Variants in ELMO2 observed in about 807,000 individuals in gnomAD.
ELMO2 encodes engulfment and cell motility protein 2.
Under a neutral mutation model 96.2 loss-of-function variants are expected in ELMO2, and 37 were observed. The observed-to-expected ratio is 0.38, with a 90% confidence interval of 0.30 to 0.51. ELMO2 has a LOEUF of 0.51. ELMO2 is among the 20% of genes least tolerant of loss of function. The pLI is 0.88. For missense variants in ELMO2, 561 were observed against 912.6 expected (o/e 0.61, Z 4.96); for synonymous variants, 315 against 329.4 (o/e 0.96, Z 0.47).
At chr20:46,403,682 T>C (rs544810703) in intron 1 of ELMO2, among the ~76,000 whole-genome samples, 9 of 152,342 alleles carry the variant, frequency 5.9e-5, no homozygotes, top group Admixed American at 4.6e-4. Context: ...TTTCCAAGTA[T>C]ACCTGAAGCA....
Position 46,371,555 on chromosome 20 carries a change from A to T in ELMO2, c.1693+24T>A. On this transcript the variant is annotated intron_variant, in intron 18 of 21. Transcript: ENST00000290246. This position sits in a 1 kb window ranked among gnomAD's most constrained non-coding sequence, Gnocchi z 5.9. ...ATCCAGGCAGGCTCTTCCCGGCACCAAGGATTGCCCCGTCTCCTCTCACCT... is the reference window on the plus strand; with the variant it reads ...ATCCAGGCAGGCTCTTCCCGGCACCTAGGATTGCCCCGTCTCCTCTCACCT... 6.2e-7 allele frequency: 1 copy of T among 1,604,030 alleles called. No homozygotes were observed. Among genetic ancestry groups the T allele is most frequent in the African/African-American group, 1.3e-5 (1 of 74,586 alleles).
At chr20:46,406,366 G>A (rs1460682623) in intron 1 of ELMO2, among the ~76,000 whole-genome samples, 182 bp downstream of exon 1, 1 of 152,068 alleles carries the variant, frequency 6.6e-6, no homozygotes, top group Non-Finnish European at 1.5e-5. Flanking sequence ...CGGCAGGGCC[G>A]CCACCCCTCG....
chr20:46,406,032 C>A (rs1329452698), intron 1 of ELMO2, among the ~76,000 whole-genome samples: 1 of 152,198 alleles, frequency 6.6e-6, no homozygotes, highest in Non-Finnish European at 1.5e-5. Flanking sequence ...CAAGGGTGAG[C>A]GCAGGAGGTG....
chr20:46,388,561 G>A (rs6094297), intron 7 of ELMO2, among the ~76,000 whole-genome samples: 1 of 151,956 alleles, frequency 6.6e-6, no homozygotes, highest in Non-Finnish European at 1.5e-5. Context: ...TGAATGGGTA[G>A]GTTGACACCT....
At chr20:46,406,057 C>T (rs2060434354) in intron 1 of ELMO2, among the ~76,000 whole-genome samples, 1 of 152,130 alleles carries the variant, frequency 6.6e-6, no homozygotes, top group African/African-American at 2.4e-5. Flanking sequence ...GTACATGCAC[C>T]GGGGTGCTAC....
chr20:46,381,460 T>C (rs139283366), intron 10 of ELMO2, among the ~76,000 whole-genome samples: 121 of 152,312 alleles, frequency 7.9e-4, no homozygotes, highest in Non-Finnish European at 1.4e-3. Context: ...CACTTCTGGA[T>C]TTCTAGCCAT....
intron 8 of ELMO2, among the ~76,000 whole-genome samples, chr20:46,386,564 A>C (rs988462280): frequency 6.6e-6 from 1 of 152,202 alleles, no homozygotes; most frequent in Non-Finnish European, 1.5e-5. Flanking sequence ...AGTGGGGTAT[A>C]AAAAAGCAGA....
chr20:46,372,966 G>T (rs145679861), intron 16 of ELMO2: 286 of 159,444 alleles, frequency 1.8e-3, no homozygotes, highest in African/African-American at 6.5e-3. Context: ...TCTGCATAGA[G>T]TGAGGACTGA....
chr20:46,370,109 C>G, intron 20 of ELMO2: 1 of 418,266 alleles, frequency 2.4e-6, no homozygotes. Context: ...TAACTACTTT[C>G]ATTTCCTGTT....
intron 1 of ELMO2, among the ~76,000 whole-genome samples, chr20:46,406,099 G>A (rs2060435783): frequency 6.6e-6 from 1 of 152,160 alleles, no homozygotes; most frequent in African/African-American, 2.4e-5. Flanking sequence ...GCGGACTGGT[G>A]GACGCGGGCA....
intron 3 of ELMO2, 41 bp from the exon 4 acceptor site, chr20:46,394,130 C>G: frequency 6.4e-7 from 1 of 1,555,736 alleles, no homozygotes; most frequent in Non-Finnish European, 8.9e-7. Flanking sequence ...GCAGCAACAT[C>G]CTACTCATGC....
chr20:46,376,692 T>C (rs2059866099), intron 11 of ELMO2: 2 of 1,288,554 alleles, frequency 1.6e-6, no homozygotes, highest in South Asian at 1.2e-5. Context: ...TCACTCCCTC[T>C]GTCTCACCCA....
At chr20:46,370,206 T>C (rs1476476595) in intron 20 of ELMO2, 1 of 651,594 alleles carries the variant, frequency 1.5e-6, no homozygotes, top group Admixed American at 2.2e-5. Context: ...TACTTGGGAC[T>C]TTCTTCAAAG....
intron 2 of ELMO2, among the ~76,000 whole-genome samples, chr20:46,396,286 A>G (rs1272583805): frequency 6.6e-6 from 1 of 152,232 alleles, no homozygotes; most frequent in Non-Finnish European, 1.5e-5. Context: ...TTAGAGATGC[A>G]TCCTTATCCT....
intron 11 of ELMO2, among the ~76,000 whole-genome samples, chr20:46,376,546 GTC>G (rs1665999601): frequency 1.3e-5 from 2 of 152,118 alleles, no homozygotes; most frequent in Non-Finnish European, 2.9e-5. Flanking sequence ...CTCATGTTCT[GTC>G]TCTGTCTTTC....
chr20:46,373,877 C>T (rs1487900997), intron 15 of ELMO2, among the ~76,000 whole-genome samples: 1 of 147,346 alleles, frequency 6.8e-6, no homozygotes, highest in African/African-American at 2.5e-5. Context: ...TGATTTAAAA[C>T]AAAAAACAAA....
At chr20:46,382,949 G>C (rs2260851) in intron 10 of ELMO2, among the ~76,000 whole-genome samples, 151,448 of 152,354 alleles carry the variant, frequency 0.99, 75,277 homozygotes, top group Middle Eastern at 1. Context: ...ACTCAGGGTA[G>C]CCACAGGGTC....
In ELMO2 at chr20:46,371,562, GC is replaced by G. The variant is rs775154225; in HGVS notation, c.1693+16del. On this transcript the variant is annotated intron_variant, in intron 18 of 21. Coordinates refer to ENST00000290246, the MANE Select transcript of ELMO2 (RefSeq NM_133171.5). This position sits in a 1 kb window ranked among gnomAD's most constrained non-coding sequence, Gnocchi z 5.9. Reference sequence around the variant, plus strand: ...CAGGCTCTTCCCGGCACCAAGGATTGCCCCGTCTCCTCTCACCTTGCCTTCG... The same window carrying G: ...CAGGCTCTTCCCGGCACCAAGGATTGCCCGTCTCCTCTCACCTTGCCTTCG... The G allele has an allele frequency of 6.2e-7, 1 of 1,603,888 alleles. No homozygotes were observed. Among genetic ancestry groups the G allele is most frequent in the East Asian group, 2.2e-5 (1 of 44,720 alleles).
Position 46,373,449 on chromosome 20 carries a change from A to G in ELMO2, c.1366T>C (p.Leu456=). 1.2e-6 allele frequency: 2 copies of G among 1,614,184 alleles called. No individual in the cohort carries two copies. Among genetic ancestry groups the G allele is most frequent in the South Asian group, 2.2e-5 (2 of 91,084 alleles). Residue 456 remains leucine, a synonymous_variant, in exon 16 of 22, where the codon TTG becomes CTG. Transcript: ENST00000290246. ...EELFGICIQL[L]NKTWKEMRAT... ...CTCATCTCCTTCCAGGTCTTGTTCA[A>G]CAGCTGGATGCAGATTCCAAAGAGC...
Sources: gnomAD v4.1 joint callset for allele counts (sites outside exome capture counted in the v4.1 genomes callset) on GRCh38, gnomAD v4.1.1 for gene constraint, Gnocchi (gnomAD v3.1) non-coding constraint, MANE v1.5 for transcripts, NCBI Gene and HGNC (gene_info 2026-07-23, HGNC 2026-07-21) for gene names.